LLGL2: variants seen among roughly 807,000 people sequenced by gnomAD.
LLGL2 encodes LLGL scribble cell polarity complex component 2.
A neutral mutation model predicts 123.2 loss-of-function variants in LLGL2; 81 were observed. The observed-to-expected ratio is 0.66, with a 90% CI of 0.55 to 0.79. LLGL2 has a LOEUF of 0.79. LLGL2 is among the 30% of genes least tolerant of loss of function. The pLI, the probability that LLGL2 is intolerant of heterozygous loss-of-function variation, is 0.00. For synonymous variants in LLGL2, 577 were observed against 594.1 expected (o/e 0.97, Z 0.42); for missense variants, 1,273 against 1,414.6 (o/e 0.90, Z 1.61).
rs571361552 is a variant in LLGL2, at chr17:75,573,247, C to T, written c.2694C>T (p.Ile898=). The change falls in exon 20 of 26, where the codon ATC becomes ATT. Residue 898 remains isoleucine, a synonymous_variant. Coordinates refer to ENST00000392550, the MANE Select transcript of LLGL2 (RefSeq NM_001031803.2). The part of the protein sequence containing the change: ...SCIRREDVSG[I]ASCVFTKYGQ... ...TCCGCCGGGAGGACGTCAGTGGCAT[C>T]GCCTCCTGCGTCTTCACCAAATATG... The T allele has an allele frequency of 6.7e-5, 107 of 1,606,588 alleles. No individual in the cohort carries two copies. Among genetic ancestry groups the T allele is most frequent in the South Asian group, 3.3e-4 (30 of 90,810 alleles).
chr17:75,572,435 G>A (rs1384088782), intron 19 of LLGL2, among the ~76,000 whole-genome samples: 2 of 152,108 alleles, frequency 1.3e-5, no homozygotes, highest in East Asian at 1.9e-4. Context: ...AGGCCGAGGC[G>A]GGCAGATCAC....
chr17:75,559,530 T>C lies in LLGL2; in HGVS notation c.530+120T>C. The C allele has an allele frequency of 6.2e-6, 8 of 1,296,594 alleles. No individual in the cohort carries two copies. Among genetic ancestry groups the C allele is most frequent in the Non-Finnish European group, 7.3e-6 (7 of 959,624 alleles). The allele number at this position is 1,296,594 out of a possible 1,614,324, so 80.3% of individuals were successfully genotyped here. On this transcript the variant is annotated intron_variant, in intron 6 of 25. Coordinates refer to ENST00000392550, the MANE Select transcript of LLGL2 (RefSeq NM_001031803.2). This position sits in a 1 kb window ranked among gnomAD's most constrained non-coding sequence, Gnocchi z 4.6. ...CTCTGCTGGGAATTCCATGGGGCTA[T>C]AGCAGGGGAGGCTCTTGGCTTCCTA...
chr17:75,534,960 G>A (rs569087519), intron 1 of LLGL2, among the ~76,000 whole-genome samples: 2 of 152,290 alleles, frequency 1.3e-5, no homozygotes, highest in East Asian at 3.9e-4. Context: ...CTCCAGTCAT[G>A]CCCCCATTCC....
Position 75,564,331 on chromosome 17 carries a change from GC to G in LLGL2, c.882-20del, listed in dbSNP as rs1568062156. On this transcript the variant is annotated intron_variant, in intron 9 of 25. Transcript: ENST00000392550. The surrounding 1 kb of genome is among the most constrained non-coding windows in gnomAD (Gnocchi z 4.9). ...GCTGTGCCAGGAGCCCCAGCCCACT[GC>G]CGCTCCTCTGTGCCTGCCAGGTTGC... The G allele has an allele frequency of 6.3e-7, 1 of 1,589,928 alleles. No homozygotes were observed. Among genetic ancestry groups the G allele is most frequent in the East Asian group, 2.2e-5 (1 of 44,648 alleles).
chr17:75,536,463 G>A (rs1598515955), intron 1 of LLGL2, among the ~76,000 whole-genome samples: 1 of 152,322 alleles, frequency 6.6e-6, no homozygotes, highest in East Asian at 1.9e-4. Context: ...CCACCTGCCT[G>A]TCTCCCCGCC....
At position 75,568,676 on chromosome 17, in the gene LLGL2, G is replaced by A. The variant is rs200648094; in HGVS notation, c.1237G>A (p.Ala413Thr). The A allele has an allele frequency of 3.2e-5, 52 of 1,613,606 alleles. 1 individual carries two copies. Among genetic ancestry groups the A allele is most frequent in the Admixed American group, 1.8e-4 (11 of 60,000 alleles). ...CATTGCCGCCGGCAGCCGGCAGAAC[G>A]CACACTTCTCCACCATGGTAGGTCT... ...RIIAAGSRQN[A>T]HFSTMEWPID... is the part of the protein sequence containing the mutation. The change falls in exon 11 of 26, where the codon GCA becomes ACA. Residue 413 changes from alanine (A) to threonine (T), a missense_variant. Physicochemically the swap from Ala to Thr is moderately conservative, Grantham distance 58. Coordinates refer to ENST00000392550, the MANE Select transcript of LLGL2 (RefSeq NM_001031803.2).
intron 19 of LLGL2, among the ~76,000 whole-genome samples, chr17:75,572,449 G>A (rs919215433): frequency 1.3e-5 from 2 of 152,168 alleles, no homozygotes; most frequent in Non-Finnish European, 2.9e-5. Flanking sequence ...AGATCACAAG[G>A]TCAGGAGATC....
chr17:75,555,373 C>T (rs2054863906), intron 2 of LLGL2, among the ~76,000 whole-genome samples: 1 of 151,380 alleles, frequency 6.6e-6, no homozygotes, highest in South Asian at 2.1e-4. Context: ...TCTCCTGCCT[C>T]AGCCTCAGTT....
rs142772898 is a variant in LLGL2, at chr17:75,573,585, C to T, written c.2830C>T (p.Arg944Cys). ...GGATTCAGCAGAAACCAAGAACCAC[C>T]GCCCTGGTAACGGTGCGGGCCCCAA... ...LVDSAETKNHRPGNGAGPKKA... is the reference protein window; with the variant it reads ...LVDSAETKNHCPGNGAGPKKA... The change falls in exon 21 of 26, where the codon CGC becomes TGC. Residue 944 changes from arginine to cysteine, a missense_variant. By Grantham distance (180) the Arg-to-Cys change is radical. Coordinates refer to ENST00000392550, the MANE Select transcript of LLGL2 (RefSeq NM_001031803.2). The T allele has an allele frequency of 0.011, 17,986 of 1,612,502 alleles. 138 individuals carry two copies. The highest frequency in any genetic ancestry group is 0.013 in the Non-Finnish European group (15,607 of 1,179,890).
rs532813559 is a variant in LLGL2, at chr17:75,533,299, C to CTTTTTTT, written c.-31+7491_-31+7497dup. 1.3e-4 allele frequency among the ~76,000 whole-genome samples: 11 copies of CTTTTTTT among 82,954 alleles called. 1 individual carries two copies. The highest frequency in any genetic ancestry group is 2.1e-4 in the Non-Finnish European group (9 of 43,122). The allele number at this position is 82,954 out of a possible 152,430, so 54.4% of individuals were successfully genotyped here. ...CAGGCGTGAGCCACCGCACCTGGCC[C>CTTTTTTT]TTTTTTTTTTTTTTTTTTTTTTTGA... On this transcript the variant is annotated intron_variant, in intron 1 of 25. Transcript: ENST00000392550.
At position 75,556,125 on chromosome 17, in the gene LLGL2, G is replaced by T. The variant is rs766498095; in HGVS notation, c.155G>T (p.Arg52Leu). 1.2e-6 allele frequency: 2 copies of T among 1,610,118 alleles called. No individual in the cohort carries two copies. The highest frequency in any genetic ancestry group is 2.2e-5 in the South Asian group (2 of 91,088). ...PSLRILAIGT[R>L]SGAIKLYGAP... ...CTGCGCATCCTGGCCATCGGCACCC[G>T]TTCTGGAGCCATCAAGCTGTATCCT... Residue 52 changes from arginine (R) to leucine (L), a missense_variant, in exon 3 of 26, where the codon CGT becomes CTT. Coordinates refer to ENST00000392550, the MANE Select transcript of LLGL2 (RefSeq NM_001031803.2).
chr17:75,552,966 T>G (rs1261175016), intron 2 of LLGL2, among the ~76,000 whole-genome samples: 1 of 152,212 alleles, frequency 6.6e-6, no homozygotes, highest in Non-Finnish European at 1.5e-5. Context: ...TTCCCTGAGC[T>G]GCCTCTGCTG....
At chr17:75,574,305 A>AC in intron 23 of LLGL2, 45 bp downstream of exon 23, 2 of 555,116 alleles carry the variant, frequency 3.6e-6, no homozygotes, top group Non-Finnish European at 5.7e-6. Context: ...GGGGTGGGGA[A>AC]GGGGGGTCAG....
At chr17:75,556,015 G>A (rs2054896132) in intron 2 of LLGL2, 31 bp from the exon 3 acceptor site, 1 of 1,578,728 alleles carries the variant, frequency 6.3e-7, no homozygotes, top group Non-Finnish European at 8.7e-7. Context: ...GGACAGGTCT[G>A]CAGGCCCACC....
Position 75,557,789 on chromosome 17 carries a change from C to A in LLGL2, c.174-366C>A, listed in dbSNP as rs113998041. 7.9e-4 allele frequency: 283 copies of A among 359,536 alleles called. 1 individual carries two copies. Among genetic ancestry groups the A allele is most frequent in the African/African-American group, 5.6e-3 (266 of 47,156 alleles). 22.3% of individuals were successfully genotyped at this position (359,536 alleles called of 1,614,324 possible). On this transcript the variant is annotated intron_variant, in intron 3 of 25. Coordinates refer to ENST00000392550, the MANE Select transcript of LLGL2 (RefSeq NM_001031803.2). Reference sequence around the variant, plus strand: ...ATGGGCCAAGGCTGTTGGTGATAGGCCCCCTGGGGTGCCGTGTGTTTTTTC... The same window carrying A: ...ATGGGCCAAGGCTGTTGGTGATAGGACCCCTGGGGTGCCGTGTGTTTTTTC...
Position 75,559,495 on chromosome 17 carries a change from G to T in LLGL2, c.530+85G>T. On this transcript the variant is annotated intron_variant, in intron 6 of 25. Coordinates refer to ENST00000392550, the MANE Select transcript of LLGL2 (RefSeq NM_001031803.2). The surrounding 1 kb of genome is among the most constrained non-coding windows in gnomAD (Gnocchi z 4.6). ...CCTTGGTCCCAGGACTCTGTCAGGA[G>T]CTGTCATTTCTCTGCTGGGAATTCC... 6.8e-7 allele frequency: 1 copy of T among 1,479,546 alleles called. No individual in the cohort carries two copies. 91.7% of individuals were successfully genotyped at this position (1,479,546 alleles called of 1,614,324 possible).
At chr17:75,541,603 C>T (rs1332870821) in intron 1 of LLGL2, among the ~76,000 whole-genome samples, 1 of 152,170 alleles carries the variant, frequency 6.6e-6, no homozygotes, top group Non-Finnish European at 1.5e-5. Context: ...CGGAATGACC[C>T]CCTTTTTCAG....
At chr17:75,567,950 G>T (rs200239100) in intron 10 of LLGL2, 4 of 484,018 alleles carry the variant, frequency 8.3e-6, no homozygotes, top group Non-Finnish European at 1.1e-5. Context: ...CTCGAGAAAA[G>T]AAAAAAAAAA....
chr17:75,555,215 C>G (rs1180978077), intron 2 of LLGL2, among the ~76,000 whole-genome samples: 2 of 150,404 alleles, frequency 1.3e-5, no homozygotes, highest in African/African-American at 4.9e-5. Flanking sequence ...TTCACAAGTG[C>G]AGAAGACTCG....
Sources: allele counts gnomAD v4.1 joint callset (sites outside exome capture counted in the v4.1 genomes callset), GRCh38; gene constraint gnomAD v4.1.1; non-coding constraint Gnocchi (gnomAD v3.1); transcripts MANE v1.5; gene names NCBI Gene and HGNC (gene_info 2026-07-23, HGNC 2026-07-21).